The following TBC1D22A variants were observed in gnomAD, a reference collection of about 807,000 sequenced individuals.
The protein encoded by TBC1D22A is TBC1 domain family member 22A, also known as putative GTPase activator.
In TBC1D22A, 38 loss-of-function variants were observed where a neutral mutation model predicts 60.2. The observed-to-expected ratio is 0.63, with a 90% CI of 0.49 to 0.83. The LOEUF (loss-of-function observed/expected upper bound fraction) is 0.83. Among genes scored for constraint, TBC1D22A ranks in the 40% least tolerant of loss-of-function variants. The pLI is 0.00. For synonymous variants in TBC1D22A, 302 were observed against 281.7 expected, an observed-to-expected ratio of 1.07 and a Z score of -0.72; for missense variants, 628 against 701.0, an observed-to-expected ratio of 0.90 and a Z score of 1.18.
At chr22:46,797,347 C>T (rs2084698209) in intron 3 of TBC1D22A, 97 bp from the exon 4 acceptor site, 9 of 1,364,272 alleles carry the variant, frequency 6.6e-6, no homozygotes, top group South Asian at 6.3e-5. Flanking sequence ...GAAGAAGGGA[C>T]CCATCAGCAT....
chr22:46,840,268 A>G (rs1419863649), intron 4 of TBC1D22A, among the ~76,000 whole-genome samples: 1 of 152,228 alleles, frequency 6.6e-6, no homozygotes, highest in Non-Finnish European at 1.5e-5. Context: ...AAACCAAACA[A>G]ACTAAATAAC....
chr22:47,050,605 G>A (rs1015607893), intron 11 of TBC1D22A, among the ~76,000 whole-genome samples: 5 of 152,200 alleles, frequency 3.3e-5, no homozygotes, highest in African/African-American at 1.2e-4. Context: ...GGCGCCGCTT[G>A]GGCCCTGACT....
intron 4 of TBC1D22A, among the ~76,000 whole-genome samples, chr22:46,869,872 A>G (rs956551516): frequency 1.3e-5 from 2 of 152,250 alleles, no homozygotes; most frequent in Non-Finnish European, 2.9e-5. Flanking sequence ...GGCTTTTCAG[A>G]AAAAAGGTTC....
chr22:46,766,900 T>G (rs2083307458), intron 1 of TBC1D22A, among the ~76,000 whole-genome samples: 3 of 152,210 alleles, frequency 2.0e-5, no homozygotes, highest in Admixed American at 2.0e-4. Context: ...CTCAGTGTTG[T>G]TGGTGCCTCT....
chr22:46,904,768 G>A (rs1047864724), intron 7 of TBC1D22A, among the ~76,000 whole-genome samples: 25 of 150,476 alleles, frequency 1.7e-4, no homozygotes, highest in South Asian at 8.4e-4. Context: ...GCACCCGGCC[G>A]AGAAAATTTT....
At chr22:47,140,756 G>A (rs1217228502) in intron 12 of TBC1D22A, among the ~76,000 whole-genome samples, 1 of 152,172 alleles carries the variant, frequency 6.6e-6, no homozygotes, top group African/African-American at 2.4e-5. Context: ...TTGTCCCTGG[G>A]GCTCAGTTGC....
chr22:47,085,513 A>T (rs2064645896), intron 11 of TBC1D22A, among the ~76,000 whole-genome samples: 1 of 152,150 alleles, frequency 6.6e-6, no homozygotes, highest in Non-Finnish European at 1.5e-5. Flanking sequence ...TTAGAAGTAA[A>T]ATGCTGGGCA....
chr22:47,123,677 G>A (rs139497452), intron 12 of TBC1D22A, among the ~76,000 whole-genome samples: 281 of 152,354 alleles, frequency 1.8e-3, no homozygotes, highest in African/African-American at 6.2e-3. Flanking sequence ...GTGTTCACTG[G>A]AAGCAGCAAA....
rs554414134 is a variant in TBC1D22A at position 47,110,372 on chromosome 22, G to T, written c.1330-1136G>T. On this transcript the variant is annotated intron_variant, in intron 11 of 12. Transcript: ENST00000337137. Reference sequence around the variant, plus strand: ...CGCACGTCTGTAATCCCAGCTACTCGGGAGACTGAGACAGGAACATTGCTT... The same window carrying T: ...CGCACGTCTGTAATCCCAGCTACTCTGGAGACTGAGACAGGAACATTGCTT... Among the ~76,000 whole-genome samples the T allele has an allele frequency of 3.9e-5, 6 of 152,202 alleles. No homozygotes were observed. The East Asian group carries it at 9.7e-4, about 24-fold the overall frequency.
intron 4 of TBC1D22A, among the ~76,000 whole-genome samples, chr22:46,836,044 T>C (rs1345278715): frequency 1.3e-5 from 2 of 152,330 alleles, no homozygotes; most frequent in African/African-American, 4.8e-5. Context: ...GATTCATTAC[T>C]GCTAGACCTG....
At chr22:47,004,107 C>A (rs1290629937) in intron 10 of TBC1D22A, among the ~76,000 whole-genome samples, 1 of 150,474 alleles carries the variant, frequency 6.6e-6, no homozygotes, top group Non-Finnish European at 1.5e-5. Flanking sequence ...ATACACACAC[C>A]CCTTCACAGA....
chr22:46,951,100 A>G (rs548032832), intron 8 of TBC1D22A, among the ~76,000 whole-genome samples: 10 of 152,104 alleles, frequency 6.6e-5, no homozygotes, highest in Non-Finnish European at 1.2e-4. Flanking sequence ...GGCCTACCTA[A>G]CCTTTGCTTC....
At chr22:47,159,274 A>T (rs1274606353) in intron 12 of TBC1D22A, among the ~76,000 whole-genome samples, 1 of 149,928 alleles carries the variant, frequency 6.7e-6, no homozygotes, top group Non-Finnish European at 1.5e-5. Context: ...AACACACACC[A>T]TGTATACACA....
At chr22:46,838,963 T>C (rs917365378) in intron 4 of TBC1D22A, among the ~76,000 whole-genome samples, 1 of 152,170 alleles carries the variant, frequency 6.6e-6, no homozygotes, top group African/African-American at 2.4e-5. Flanking sequence ...ATGCCTTTCC[T>C]CTAAGATCAG....
At chr22:46,867,422 G>A (rs1290749380) in intron 4 of TBC1D22A, among the ~76,000 whole-genome samples, 1 of 152,190 alleles carries the variant, frequency 6.6e-6, no homozygotes, top group Non-Finnish European at 1.5e-5. Flanking sequence ...AGACAAAAAC[G>A]ATGTCTGACC....
chr22:46,840,710 G>C (rs567254542), intron 4 of TBC1D22A, among the ~76,000 whole-genome samples: 90 of 151,830 alleles, frequency 5.9e-4, no homozygotes, highest in African/African-American at 2.2e-3. Context: ...TCCAGCCTGG[G>C]TGGCAGAGCG....
At chr22:46,984,405 A>AAAAAAAAG in intron 9 of TBC1D22A, among the ~76,000 whole-genome samples, 1 of 135,308 alleles carries the variant, frequency 7.4e-6, no homozygotes, top group Non-Finnish European at 1.6e-5. Context: ...AAAAAAAAAA[A>AAAAAAAAG]AGAGAAGTTC....
chr22:46,784,394 A>G (rs1354311914), intron 1 of TBC1D22A, among the ~76,000 whole-genome samples: 1 of 152,192 alleles, frequency 6.6e-6, no homozygotes, highest in Admixed American at 6.5e-5. Flanking sequence ...AGATTTCATT[A>G]TCTGAATTGA....
chr22:46,852,972 C>G (rs898515054), intron 4 of TBC1D22A, among the ~76,000 whole-genome samples: 1 of 152,220 alleles, frequency 6.6e-6, no homozygotes, highest in Non-Finnish European at 1.5e-5. Context: ...GACTGGACGA[C>G]AGTCCATTGC....
Sources: gnomAD v4.1 joint callset for allele counts (sites outside exome capture counted in the v4.1 genomes callset) on GRCh38, gnomAD v4.1.1 for gene constraint, MANE v1.5 for transcripts, NCBI Gene and HGNC (gene_info 2026-07-23, HGNC 2026-07-21) for gene names.